The following ERBB4 variants were observed in gnomAD, a reference collection of about 807,000 sequenced individuals.
The protein encoded by ERBB4 is receptor tyrosine-protein kinase erbB-4.
ERBB4 carries 42 observed loss-of-function variants against 158.0 expected under a neutral mutation model. The ratio of observed to expected loss-of-function variants is 0.27; its 90% CI spans 0.21 to 0.34. ERBB4 has a LOEUF of 0.34. ERBB4 is among the 10% of genes least tolerant of loss of function. The pLI, the probability that ERBB4 is intolerant of heterozygous loss-of-function variation, is 1.00. For synonymous variants in ERBB4, 583 were observed against 558.7 expected, an observed-to-expected ratio of 1.04 and a Z score of -0.61; for missense variants, 1,333 against 1,624.1, an observed-to-expected ratio of 0.82 and a Z score of 3.08.
intron 1 of ERBB4, among the ~76,000 whole-genome samples, chr2:212,276,907 T>G (rs1371077491): frequency 6.6e-6 from 1 of 151,786 alleles, no homozygotes; most frequent in Non-Finnish European, 1.5e-5. Context: ...AATGACATAG[T>G]GTTTAGTGTT....
chr2:212,055,369 G>A (rs541769010), intron 2 of ERBB4, among the ~76,000 whole-genome samples: 7 of 152,260 alleles, frequency 4.6e-5, no homozygotes, highest in African/African-American at 1.7e-4. Flanking sequence ...CCACCTCTGG[G>A]GGCAGGGCAT....
intron 1 of ERBB4, among the ~76,000 whole-genome samples, chr2:212,485,615 A>T (rs1332608485): frequency 1.3e-5 from 2 of 152,212 alleles, no homozygotes; most frequent in African/African-American, 4.8e-5. Context: ...ATTTATTATA[A>T]AAACTACAAT....
intron 1 of ERBB4, among the ~76,000 whole-genome samples, chr2:212,479,829 C>A (rs958214111): frequency 1.3e-5 from 2 of 152,144 alleles, no homozygotes; most frequent in Non-Finnish European, 2.9e-5. Flanking sequence ...AGGTAGCACA[C>A]AGAGAGGTTC....
At chr2:212,305,040 T>C (rs1315795501) in intron 1 of ERBB4, among the ~76,000 whole-genome samples, 3 of 151,372 alleles carry the variant, frequency 2.0e-5, no homozygotes, top group Non-Finnish European at 4.4e-5. Flanking sequence ...ATTTTGTTCA[T>C]ATAAAAAAGA....
chr2:211,981,839 T>C (rs536265949), intron 2 of ERBB4, among the ~76,000 whole-genome samples: 1 of 152,244 alleles, frequency 6.6e-6, no homozygotes, highest in East Asian at 1.9e-4. Context: ...CAGATTTTGA[T>C]GCCTGAATTT....
chr2:212,240,412 C>T (rs991897114), intron 1 of ERBB4, among the ~76,000 whole-genome samples: 5 of 151,602 alleles, frequency 3.3e-5, no homozygotes, highest in African/African-American at 1.2e-4. Context: ...CTTGGGAAGC[C>T]GAGATGGGCG....
At chr2:211,511,128 A>G (rs558233090) in intron 20 of ERBB4, among the ~76,000 whole-genome samples, 2 of 152,156 alleles carry the variant, frequency 1.3e-5, no homozygotes, top group East Asian at 3.9e-4. Context: ...TTAGTATATT[A>G]AACTGCCTAC....
At chr2:211,628,164 CT>C (rs11313575) in intron 17 of ERBB4, among the ~76,000 whole-genome samples, 115,796 of 150,090 alleles carry the variant, frequency 0.77, 44,672 homozygotes, top group East Asian at 0.82. Flanking sequence ...CTGAGATATT[CT>C]TTTTTTTTTT....
At chr2:211,713,023 A>G (rs1310796139) in intron 8 of ERBB4, among the ~76,000 whole-genome samples, 1 of 152,172 alleles carries the variant, frequency 6.6e-6, no homozygotes, top group Non-Finnish European at 1.5e-5. Context: ...CTAAAATTCT[A>G]TGGCATGAAT....
At chr2:212,466,708 A>T (rs1429036435) in intron 1 of ERBB4, among the ~76,000 whole-genome samples, 1 of 152,184 alleles carries the variant, frequency 6.6e-6, no homozygotes, top group East Asian at 1.9e-4. Context: ...AAATGGACTA[A>T]TGCAGTACAT....
chr2:211,654,321 A>C (rs1407425336), intron 16 of ERBB4, among the ~76,000 whole-genome samples: 1 of 152,232 alleles, frequency 6.6e-6, no homozygotes. Context: ...CTGACAAGTC[A>C]ATGCAAGTGA....
At chr2:211,956,977 A>G (rs919900423) in intron 2 of ERBB4, among the ~76,000 whole-genome samples, 1 of 151,990 alleles carries the variant, frequency 6.6e-6, no homozygotes, top group Admixed American at 6.6e-5. Flanking sequence ...GACTACAGCT[A>G]CACAACACCA....
intron 3 of ERBB4, among the ~76,000 whole-genome samples, chr2:211,901,444 C>T (rs2079233499): frequency 1.3e-5 from 2 of 152,134 alleles, no homozygotes; most frequent in African/African-American, 4.8e-5. Flanking sequence ...CAGTGACCTG[C>T]TGTCAGAGCC....
At position 211,384,011 on chromosome 2, in the gene ERBB4, A is replaced by T. The variant is rs1417085142; in HGVS notation, c.3531T>A (p.Asn1177Lys). ...EENPFVSRRK[N>K]GDLQALDNPE... is the part of the protein sequence containing the mutation. ...GATTATCCAATGCTTGAAGGTCTCCATTTTTTCTCCGAGAAACAAAAGGGT... is the reference window on the plus strand; with the variant it reads ...GATTATCCAATGCTTGAAGGTCTCCTTTTTTTCTCCGAGAAACAAAAGGGT... The change falls in exon 28 of 28, where the codon AAT (asparagine) becomes AAA (lysine). Residue 1177 changes from asparagine to lysine, a missense_variant. Asn to Lys is a moderately conservative substitution (Grantham distance 94). Around this residue, in one of 5 missense-constraint regions of ERBB4, gnomAD observed 252 missense variants for 241.3 expected, o/e 1.04. Coordinates refer to ENST00000342788, the MANE Select transcript of ERBB4 (RefSeq NM_005235.3). 6.2e-7 allele frequency: 1 copy of T among 1,613,956 alleles called. No homozygotes were observed. The highest frequency in any genetic ancestry group is 1.7e-5 in the Admixed American group (1 of 59,986).
intron 20 of ERBB4, among the ~76,000 whole-genome samples, chr2:211,461,600 T>C (rs1345784510): frequency 6.6e-6 from 1 of 152,106 alleles, no homozygotes; most frequent in Non-Finnish European, 1.5e-5. Flanking sequence ...GACACATATA[T>C]TGTGTTTATG....
At chr2:211,808,111 G>A (rs1312457818) in intron 3 of ERBB4, among the ~76,000 whole-genome samples, 1 of 152,114 alleles carries the variant, frequency 6.6e-6, no homozygotes, top group Non-Finnish European at 1.5e-5. Flanking sequence ...CTCTTGCTGT[G>A]CAGAAGCTCT....
intron 3 of ERBB4, among the ~76,000 whole-genome samples, chr2:211,809,152 T>A (rs772057887): frequency 2.0e-5 from 3 of 152,228 alleles, no homozygotes; most frequent in Non-Finnish European, 4.4e-5. Context: ...TGGCCAGAAC[T>A]TCCAACACTA....
intron 19 of ERBB4, among the ~76,000 whole-genome samples, chr2:211,606,294 T>C (rs1441821776): frequency 1.3e-5 from 2 of 152,090 alleles, no homozygotes; most frequent in Non-Finnish European, 2.9e-5. Flanking sequence ...GAATGTTATT[T>C]CCTTAATAGT....
chr2:212,232,742 G>A (rs1425046241), intron 1 of ERBB4, among the ~76,000 whole-genome samples: 1 of 152,108 alleles, frequency 6.6e-6, no homozygotes, highest in Non-Finnish European at 1.5e-5. Flanking sequence ...GAAGTGAACA[G>A]AATCTCACTT....
Sources: gnomAD v4.1 joint callset for allele counts (sites outside exome capture counted in the v4.1 genomes callset) on GRCh38, gnomAD v4.1.1 for gene constraint, gnomAD v4.1.1 regional missense constraint, MANE v1.5 for transcripts, NCBI Gene and HGNC (gene_info 2026-07-23, HGNC 2026-07-21) for gene names.